The following SENP1 variants were observed in gnomAD, a reference collection of about 807,000 sequenced individuals.
SENP1 encodes the protein SUMO specific peptidase 1.
A neutral mutation model predicts 93.0 loss-of-function variants in SENP1; 21 were observed. That is an observed-to-expected ratio of 0.23 (90% CI 0.16 to 0.33). The LOEUF (loss-of-function observed/expected upper bound fraction) is 0.33, where lower values mean the gene tolerates loss of function less well. SENP1 is among the 10% of genes least tolerant of loss of function. SENP1 has a pLI of 1.00. For missense variants in SENP1, 591 were observed against 758.7 expected (o/e 0.78, Z 2.60); for synonymous variants, 256 against 259.6 (o/e 0.99, Z 0.13).
Position 48,063,559 on chromosome 12 carries a change from C to T in SENP1, c.1407+151G>A, listed in dbSNP as rs1291568604. ...TAAAAATGCCTGTCTCCACCACACT[C>T]CCTCATAGTTACAAGAATGAAGAGG... On this transcript the variant is annotated intron_variant, in intron 13 of 17. Coordinates refer to ENST00000549518, the MANE Select transcript of SENP1 (RefSeq NM_001267594.2). 6.1e-6 allele frequency: 4 copies of T among 653,002 alleles called. No homozygotes were observed. The East Asian group carries it at 1.2e-4, about 19-fold the overall frequency. 40.5% of individuals were successfully genotyped at this position (653,002 alleles called of 1,614,324 possible). A position where few individuals can be genotyped will look rare whatever the true frequency, so the allele number is the denominator to read the frequency against.
In SENP1 at chr12:48,088,015, T is replaced by C. The variant is rs117373952; in HGVS notation, c.380+786A>G. Among the ~76,000 whole-genome samples the C allele has an allele frequency of 8.5e-3, 1,289 of 152,276 alleles. 13 individuals are homozygous for C. The highest frequency in any genetic ancestry group is 0.02 in the Middle Eastern group (6 of 294). ...CATGTAAGTTTTGTTAGATAGAGCT[T>C]ATAAAGTTGGAATAACTAGCATAAA... On this transcript the variant is annotated intron_variant, in intron 5 of 17. Coordinates refer to ENST00000549518, the MANE Select transcript of SENP1 (RefSeq NM_001267594.2).
At chr12:48,081,398 G>C (rs1465486432) in intron 6 of SENP1, 1 of 151,988 alleles carries the variant, frequency 6.6e-6, no homozygotes, top group African/African-American at 2.4e-5. Context: ...ACGATGACAT[G>C]AAAATTTGTG....
chr12:48,081,034 G>A lies in SENP1; in HGVS notation c.552+2557C>T, dbSNP rs896891272. 2.6e-5 allele frequency among the ~76,000 whole-genome samples: 4 copies of A among 152,128 alleles called. No individual in the cohort carries two copies. The South Asian group carries it at 6.2e-4, about 24-fold the overall frequency. ...GGAGGCAAAAGAAGGAAGGCTGAGT[G>A]GTCCACAGAGCTGGTGGGTGAATGG... On this transcript the variant is annotated intron_variant, in intron 6 of 17. Coordinates refer to ENST00000549518, the MANE Select transcript of SENP1 (RefSeq NM_001267594.2).
chr12:48,094,686 T>C (rs1038888869), intron 4 of SENP1, among the ~76,000 whole-genome samples: 1 of 151,598 alleles, frequency 6.6e-6, no homozygotes, highest in Non-Finnish European at 1.5e-5. Context: ...TCTCAAAAAA[T>C]AATAATAATA....
rs1945051638 is a variant in SENP1 at position 48,088,827 on chromosome 12, A to T, written c.354T>A (p.Leu118=). The T allele has an allele frequency of 6.2e-7, 1 of 1,609,906 alleles. No individual in the cohort carries two copies. Among genetic ancestry groups the T allele is most frequent in the Non-Finnish European group, 8.5e-7 (1 of 1,177,976 alleles). Reference sequence around the variant, plus strand: ...TTGAGGTCTTTCGGGTTTCGAGGTAAAGACTTCGGCTGTTTCTTGATTTTT... The same window carrying T: ...TTGAGGTCTTTCGGGTTTCGAGGTATAGACTTCGGCTGTTTCTTGATTTTT... ...SLQKSRNSRS[L]YLETRKTSSG... Residue 118 remains leucine (L), a synonymous_variant, in exon 5 of 18, where the codon CTT becomes CTA. Coordinates refer to ENST00000549518, the MANE Select transcript of SENP1 (RefSeq NM_001267594.2).
At chr12:48,071,499 C>G (rs1252116105) in intron 9 of SENP1, among the ~76,000 whole-genome samples, 168 bp downstream of exon 9, 2 of 152,132 alleles carry the variant, frequency 1.3e-5, no homozygotes, top group Non-Finnish European at 2.9e-5. Flanking sequence ...GCCTGTAATC[C>G]TAGCTACTCG....
Position 48,045,335 on chromosome 12 carries a change from C to T in SENP1, c.1922G>A (p.Arg641Gln), listed in dbSNP as rs371612025. ...GTGAGACAGTCTTCACAAGAGTTTT[C>T]GGTGGAGGATCTCCCAGACCATCCG... is the stretch of plus-strand genomic sequence containing the variant. ...RKRMVWEILH[R>Q]KLL The change falls in exon 18 of 18, where the codon CGA becomes CAA. Residue 641 changes from arginine (R) to glutamine (Q), a missense_variant. By Grantham distance (43) the Arg-to-Gln change is conservative. Around this residue, in one of 4 missense-constraint regions of SENP1, gnomAD observed 132 missense variants for 230.1 expected, o/e 0.57. Coordinates refer to ENST00000549518, the MANE Select transcript of SENP1 (RefSeq NM_001267594.2). 2.7e-5 allele frequency: 44 copies of T among 1,613,390 alleles called. No homozygotes were observed. The highest frequency in any genetic ancestry group is 6.7e-5 in the African/African-American group (5 of 74,888).
chr12:48,079,409 G>T (rs1944356820), intron 6 of SENP1, among the ~76,000 whole-genome samples: 1 of 151,666 alleles, frequency 6.6e-6, no homozygotes, highest in Non-Finnish European at 1.5e-5. Flanking sequence ...TGAGGCAGGA[G>T]AATTGCTTGA....
At chr12:48,071,483 GC>G (rs1275833716) in intron 9 of SENP1, among the ~76,000 whole-genome samples, 183 bp downstream of exon 9, 3 of 152,168 alleles carry the variant, frequency 2.0e-5, no homozygotes, top group Admixed American at 2.0e-4. Context: ...GGGCGTGGTG[GC>G]GGGCGCCTGT....
chr12:48,048,801 T>C (rs1257578082), intron 14 of SENP1, 128 bp downstream of exon 14: 7 of 662,742 alleles, frequency 1.1e-5, no homozygotes, highest in East Asian at 5.5e-5. Context: ...CTGATTTTAG[T>C]CAACCTACTA....
intron 13 of SENP1, among the ~76,000 whole-genome samples, chr12:48,056,434 T>G (rs1383091720): frequency 1.9e-5 from 2 of 106,386 alleles, no homozygotes; most frequent in East Asian, 5.9e-4. Context: ...ATATTACATA[T>G]ATAATTATTT....
rs546978797 is a variant in SENP1 at position 48,045,442 on chromosome 12, C to T, written c.1873-58G>A. ...ATGCTTTTGTCTAGACCTGATACGC[C>T]TTTCCCCATACTTCTTTCTTTTGCA... On this transcript the variant is annotated intron_variant, in intron 17 of 17. Coordinates refer to ENST00000549518, the MANE Select transcript of SENP1 (RefSeq NM_001267594.2). 13 of 1,406,462 alleles carry T rather than the reference C, an allele frequency of 9.2e-6. No homozygotes were observed. In the South Asian group the frequency reaches 1.4e-4, roughly 15 times the overall value. The allele number at this position is 1,406,462 out of a possible 1,614,324, so 87.1% of individuals were successfully genotyped here.
At chr12:48,104,104 G>C (rs374766464) in intron 1 of SENP1, among the ~76,000 whole-genome samples, 71 of 151,920 alleles carry the variant, frequency 4.7e-4, no homozygotes, top group Admixed American at 6.6e-4. Context: ...CCAGCTACTC[G>C]GGAGGCTGAG....
intron 6 of SENP1, among the ~76,000 whole-genome samples, chr12:48,081,778 C>T (rs1944508853): frequency 2.0e-5 from 3 of 152,028 alleles, no homozygotes; most frequent in African/African-American, 7.2e-5. Flanking sequence ...GTTGCCTAGG[C>T]TGGTCTCAAA....
At chr12:48,098,262 G>A in intron 2 of SENP1, 138 bp from the exon 3 acceptor site, 2 of 835,188 alleles carry the variant, frequency 2.4e-6, no homozygotes, top group South Asian at 2.2e-5. Context: ...CACTCTGAGA[G>A]GCTGAGGCAG....
chr12:48,065,347 G>C, intron 11 of SENP1, 127 bp from the exon 12 acceptor site: 3 of 785,436 alleles, frequency 3.8e-6, no homozygotes, highest in Non-Finnish European at 5.9e-6. Context: ...CATTGCTTTC[G>C]CTTTTTTGTA....
chr12:48,078,334 T>TATATATATATATATACAC, intron 6 of SENP1, among the ~76,000 whole-genome samples: 2 of 67,894 alleles, frequency 2.9e-5, no homozygotes, highest in Admixed American at 2.0e-4. Context: ...TATATATATA[T>TATATATATATATATACAC]ACACACACAT....
At chr12:48,073,282 C>CT (rs142428007) in intron 8 of SENP1, among the ~76,000 whole-genome samples, 27,565 of 146,740 alleles carry the variant, frequency 0.19, 3,095 homozygotes, top group African/African-American at 0.32. Context: ...GGTTTTTTGG[C>CT]TTTTTTTTTT....
chr12:48,053,833 C>T (rs1446190418), intron 13 of SENP1, among the ~76,000 whole-genome samples: 1 of 152,170 alleles, frequency 6.6e-6, no homozygotes, highest in East Asian at 1.9e-4. Context: ...ATTGGCCTTT[C>T]ACTAGCTGGT....
Sources: allele counts gnomAD v4.1 joint callset (sites outside exome capture counted in the v4.1 genomes callset), GRCh38; gene constraint gnomAD v4.1.1; regional missense constraint gnomAD v4.1.1; transcripts MANE v1.5; gene names NCBI Gene and HGNC (gene_info 2026-07-23, HGNC 2026-07-21).